CEP83: variants seen among roughly 807,000 people sequenced by gnomAD.
CEP83 encodes centrosomal protein 83.
A neutral mutation model predicts 101.9 loss-of-function variants in CEP83; 70 were observed. That is an observed-to-expected ratio of 0.69 (90% CI 0.57 to 0.84). The LOEUF (loss-of-function observed/expected upper bound fraction) is 0.84, where lower values mean the gene tolerates loss of function less well. Among genes scored for constraint, CEP83 ranks in the 40% least tolerant of loss-of-function variants. CEP83 has a pLI of 0.00. For synonymous variants in CEP83, 264 were observed against 267.9 expected (o/e 0.99, Z 0.14); for missense variants, 715 against 787.2 (o/e 0.91, Z 1.10).
At chr12:94,354,175 C>T (rs376382233) in intron 11 of CEP83, among the ~76,000 whole-genome samples, 78 of 152,134 alleles carry the variant, frequency 5.1e-4, no homozygotes, top group East Asian at 3.1e-3. Flanking sequence ...CTGGAGAATG[C>T]AGAGTACTCA....
chr12:94,320,086 C>A (rs891150996), intron 14 of CEP83, among the ~76,000 whole-genome samples: 5 of 152,070 alleles, frequency 3.3e-5, no homozygotes, highest in Non-Finnish European at 5.9e-5. Flanking sequence ...TGAATTGAAC[C>A]CTTTACCATT....
At chr12:94,277,504 T>C in the CEP83 span, among the ~76,000 whole-genome samples, 2 of 152,182 alleles carry the variant, frequency 1.3e-5, no homozygotes, top group African/African-American at 4.8e-5. Context: ...GTGCGGTTAC[T>C]GTTGTTATGC....
At chr12:94,446,312 A>G (rs748326311) in intron 1 of CEP83, among the ~76,000 whole-genome samples, 1 of 152,252 alleles carries the variant, frequency 6.6e-6, no homozygotes, top group Non-Finnish European at 1.5e-5. Flanking sequence ...GACCAGAGAT[A>G]TGCCATAGGA....
At chr12:94,298,533 C>CA in the CEP83 span, 8 of 995,750 alleles carry the variant, frequency 8.0e-6, no homozygotes, top group Non-Finnish European at 1.2e-5. Context: ...CTGTTTTGAA[C>CA]ATTATTTTCT....
the CEP83 span, chr12:94,272,096 G>A: frequency 1.3e-5 from 2 of 152,096 alleles, no homozygotes; most frequent in African/African-American, 2.4e-5. Flanking sequence ...CCCTCTTCCC[G>A]GGCCTTCTGG....
At chr12:94,364,280 A>C (rs1186001203) in intron 11 of CEP83, among the ~76,000 whole-genome samples, 1 of 152,204 alleles carries the variant, frequency 6.6e-6, no homozygotes, top group East Asian at 1.9e-4. Context: ...GTATTTTAAC[A>C]ATTTTCAAAT....
Position 94,376,710 on chromosome 12 carries a change from C to T in CEP83, c.802-693G>A, listed in dbSNP as rs1269785999. ...ATATATACACACACACACACACACACACACACACACACACACACACACATA... is the reference window on the plus strand; with the variant it reads ...ATATATACACACACACACACACACATACACACACACACACACACACACATA... On this transcript the variant is annotated intron_variant, in intron 7 of 16. Coordinates refer to ENST00000397809, the MANE Select transcript of CEP83 (RefSeq NM_016122.3). Among the ~76,000 whole-genome samples, 60 of 122,222 alleles carry T rather than the reference C, an allele frequency of 4.9e-4. 1 individual carries two copies. Among genetic ancestry groups the T allele is most frequent in the African/African-American group, 1.7e-3 (57 of 32,946 alleles). 80.2% of individuals were successfully genotyped at this position (122,222 alleles called of 152,430 possible). A position where few individuals can be genotyped will look rare whatever the true frequency, so the allele number is the denominator to read the frequency against.
intron 6 of CEP83, among the ~76,000 whole-genome samples, chr12:94,398,426 T>A (rs927901712): frequency 1.3e-5 from 2 of 152,180 alleles, no homozygotes; most frequent in East Asian, 3.8e-4. Context: ...AAGATTTCAT[T>A]TTAATATGGA....
chr12:94,299,570 T>G, the CEP83 span, among the ~76,000 whole-genome samples: 2 of 152,112 alleles, frequency 1.3e-5, no homozygotes, highest in Non-Finnish European at 2.9e-5. Context: ...CTAGCCTCTT[T>G]TTTTTTGAGA....
At chr12:94,454,574 GGAA>G (rs1324090654) in intron 1 of CEP83, among the ~76,000 whole-genome samples, 2 of 152,214 alleles carry the variant, frequency 1.3e-5, no homozygotes, top group African/African-American at 4.8e-5. Context: ...GCCAAATAAG[GGAA>G]GAAGAGCTAG....
chr12:94,415,889 C>T (rs1024395496), intron 2 of CEP83, among the ~76,000 whole-genome samples: 3 of 152,094 alleles, frequency 2.0e-5, no homozygotes, highest in African/African-American at 7.2e-5. Context: ...CCTGTAACTA[C>T]AGAATACACA....
At chr12:94,393,958 C>T (rs1046624273) in intron 6 of CEP83, among the ~76,000 whole-genome samples, 2 of 152,152 alleles carry the variant, frequency 1.3e-5, no homozygotes, top group African/African-American at 4.8e-5. Context: ...CAAACCACTG[C>T]TCAACGAAAT....
chr12:94,419,808 T>C (rs1286672216), intron 2 of CEP83, among the ~76,000 whole-genome samples: 1 of 151,920 alleles, frequency 6.6e-6, no homozygotes, highest in Admixed American at 6.6e-5. Context: ...AAAAAGAAAC[T>C]TGCGCCTTTC....
At position 94,312,972 on chromosome 12, in the gene CEP83, C is replaced by A; in HGVS notation, c.1753G>T (p.Val585Leu). 1 of 1,590,996 alleles carries A rather than the reference C, an allele frequency of 6.3e-7. No individual in the cohort carries two copies. Residue 585 changes from valine (V) to leucine (L), a missense_variant, in exon 15 of 17, where the codon GTA (valine) becomes TTA (leucine). By Grantham distance (32) the Val-to-Leu change is conservative (BLOSUM62 1). Coordinates refer to ENST00000397809, the MANE Select transcript of CEP83 (RefSeq NM_016122.3). ...TCTTTCTTTGCCTCCAAGACTTCTA[C>A]TTTCTCTTGTAGTCTTTTCAATTTG... ...ENKLKRLQEKVEVLEAKKEEL... is the reference protein window; with the variant it reads ...ENKLKRLQEKLEVLEAKKEEL...
At chr12:94,361,460 T>C (rs561084896) in intron 11 of CEP83, 1 of 152,126 alleles carries the variant, frequency 6.6e-6, no homozygotes, top group African/African-American at 2.4e-5. Flanking sequence ...CGCTGAACAA[T>C]AGTAGCATTG....
At chr12:94,366,426 T>C (rs1246636067) in intron 11 of CEP83, among the ~76,000 whole-genome samples, 10 of 152,162 alleles carry the variant, frequency 6.6e-5, no homozygotes, top group Non-Finnish European at 1.3e-4. Context: ...TTGTTTTTCA[T>C]TGAGTGATGA....
chr12:94,418,898 TAA>T (rs978647173), intron 2 of CEP83, among the ~76,000 whole-genome samples: 3 of 152,126 alleles, frequency 2.0e-5, no homozygotes, highest in African/African-American at 7.2e-5. Flanking sequence ...AAGGTGTATA[TAA>T]AAAGAGTATT....
At chr12:94,297,146 T>A in the CEP83 span, 1 of 1,610,264 alleles carries the variant, frequency 6.2e-7, no homozygotes, top group Non-Finnish European at 8.5e-7. Flanking sequence ...ATGGTTGCTT[T>A]TTTTAATGGA....
At chr12:94,420,007 C>T (rs2064592578) in intron 2 of CEP83, among the ~76,000 whole-genome samples, 1 of 152,084 alleles carries the variant, frequency 6.6e-6, no homozygotes, top group Admixed American at 6.6e-5. Context: ...TGTTTACTGG[C>T]CATTTAGATA....
Sources: gnomAD v4.1 joint callset for allele counts (sites outside exome capture counted in the v4.1 genomes callset) on GRCh38, gnomAD v4.1.1 for gene constraint, MANE v1.5 for transcripts, NCBI Gene and HGNC (gene_info 2026-07-23, HGNC 2026-07-21) for gene names.